Variants in CAMKMT observed in about 807,000 individuals in gnomAD.
CAMKMT encodes the protein CaM KMT.
Under a neutral mutation model 48.0 loss-of-function variants are expected in CAMKMT, and 53 were observed. That is an observed-to-expected ratio of 1.10 (90% CI 0.89 to 1.39). The LOEUF (loss-of-function observed/expected upper bound fraction) is 1.39. Among genes scored for constraint, CAMKMT ranks in the 40% most tolerant of loss-of-function variants. The pLI, the probability that CAMKMT is intolerant of heterozygous loss-of-function variation, is 0.00. For synonymous variants in CAMKMT, 165 were observed against 152.3 expected (o/e 1.08, Z -0.61); for missense variants, 428 against 402.7 (o/e 1.06, Z -0.54).
intron 7 of CAMKMT, among the ~76,000 whole-genome samples, chr2:44,737,613 C>G (rs541492704): frequency 1.3e-5 from 2 of 152,232 alleles, no homozygotes; most frequent in South Asian, 4.1e-4. Context: ...CCTGTGTGAG[C>G]ACTGACCTAC....
intron 3 of CAMKMT, among the ~76,000 whole-genome samples, chr2:44,652,767 C>T (rs1422776687): frequency 2.0e-5 from 3 of 152,068 alleles, no homozygotes; most frequent in East Asian, 1.9e-4. Context: ...GGAGTTAATC[C>T]GTATCTCCGA....
At chr2:44,606,808 AC>A (rs11421579) in intron 3 of CAMKMT, among the ~76,000 whole-genome samples, 2,451 of 138,394 alleles carry the variant, frequency 0.018, 68 homozygotes, top group African/African-American at 0.051. Context: ...TCTTAATGTG[AC>A]CCCCCCCCCA....
chr2:44,425,216 G>A (rs1684200995), intron 3 of CAMKMT, among the ~76,000 whole-genome samples: 1 of 152,058 alleles, frequency 6.6e-6, no homozygotes, highest in South Asian at 2.1e-4. Flanking sequence ...GTTAATGGCT[G>A]GGTTTTTAAA....
intron 3 of CAMKMT, among the ~76,000 whole-genome samples, chr2:44,584,373 C>T (rs1048668930): frequency 2.6e-5 from 4 of 152,086 alleles, no homozygotes; most frequent in Admixed American, 6.6e-5. Flanking sequence ...GGGATATTAC[C>T]TTATATTCAC....
chr2:44,753,972 AT>A, intron 8 of CAMKMT, 82 bp from the exon 9 acceptor site: 1 of 938,922 alleles, frequency 1.1e-6, no homozygotes, highest in Non-Finnish European at 1.7e-6. Context: ...AACATGTGTA[AT>A]TAGCCTTGTA....
chr2:44,510,199 G>A (rs1021265834), intron 3 of CAMKMT, among the ~76,000 whole-genome samples: 3 of 152,082 alleles, frequency 2.0e-5, no homozygotes, highest in African/African-American at 7.2e-5. Context: ...AGCACATACT[G>A]CATTTAGCTG....
chr2:44,694,146 C>T (rs1175472718), intron 3 of CAMKMT, among the ~76,000 whole-genome samples: 1 of 152,236 alleles, frequency 6.6e-6, no homozygotes, highest in Non-Finnish European at 1.5e-5. Context: ...GTGAAAAGCT[C>T]GCAAATGGAA....
intron 3 of CAMKMT, among the ~76,000 whole-genome samples, chr2:44,421,215 T>C (rs1683915667): frequency 6.6e-6 from 1 of 152,180 alleles, no homozygotes. Context: ...ATTCATTTAC[T>C]TTCTTCATGA....
intron 3 of CAMKMT, among the ~76,000 whole-genome samples, chr2:44,548,825 TG>T (rs1408971831): frequency 1.3e-5 from 2 of 152,042 alleles, no homozygotes; most frequent in Admixed American, 1.3e-4. Context: ...CCAGGAAGAA[TG>T]AGGTTGGAAG....
At chr2:44,725,041 A>G (rs1678702117) in intron 7 of CAMKMT, among the ~76,000 whole-genome samples, 1 of 152,108 alleles carries the variant, frequency 6.6e-6, no homozygotes, top group Non-Finnish European at 1.5e-5. Context: ...CCTGTTCCTC[A>G]AGACTATCCC....
intron 10 of CAMKMT, among the ~76,000 whole-genome samples, chr2:44,767,246 A>G (rs1214575435): frequency 6.6e-6 from 1 of 152,234 alleles, no homozygotes; most frequent in Non-Finnish European, 1.5e-5. Flanking sequence ...AGTACATGTC[A>G]CAGTGACTAG....
intron 1 of CAMKMT, chr2:44,369,957 C>G (rs2616450): frequency 1.3e-5 from 2 of 152,082 alleles, no homozygotes; most frequent in African/African-American, 4.8e-5. Flanking sequence ...TTGGCTGCTA[C>G]GGATTCCAGG....
At chr2:44,514,101 CAA>C (rs5830791) in intron 3 of CAMKMT, among the ~76,000 whole-genome samples, 188 of 115,236 alleles carry the variant, frequency 1.6e-3, no homozygotes, top group Middle Eastern at 4.3e-3. Flanking sequence ...GACCCTGTCT[CAA>C]AAAAAAAAAA....
At chr2:44,580,299 C>T (rs538345473) in intron 3 of CAMKMT, among the ~76,000 whole-genome samples, 9 of 113,514 alleles carry the variant, frequency 7.9e-5, no homozygotes, top group South Asian at 3.4e-4. Flanking sequence ...GAATTAGAAA[C>T]GATAATAATT....
At chr2:44,436,978 C>G (rs953434320) in intron 3 of CAMKMT, among the ~76,000 whole-genome samples, 2 of 152,096 alleles carry the variant, frequency 1.3e-5, no homozygotes, top group Non-Finnish European at 2.9e-5. Context: ...GGTATTATTA[C>G]AAGTGGATTT....
At chr2:44,509,019 C>T (rs974905651) in intron 3 of CAMKMT, among the ~76,000 whole-genome samples, 8 of 151,200 alleles carry the variant, frequency 5.3e-5, no homozygotes, top group Non-Finnish European at 1.5e-5. Flanking sequence ...TTGCTTGAAC[C>T]TGGGAGGTGG....
At chr2:44,762,866 A>C (rs1680675078) in intron 9 of CAMKMT, among the ~76,000 whole-genome samples, 1 of 152,226 alleles carries the variant, frequency 6.6e-6, no homozygotes, top group African/African-American at 2.4e-5. Flanking sequence ...AAAGTGTTAC[A>C]TTCAATTGAG....
intron 3 of CAMKMT, among the ~76,000 whole-genome samples, chr2:44,563,296 T>A (rs1572807925): frequency 1.3e-5 from 2 of 151,680 alleles, no homozygotes; most frequent in South Asian, 4.2e-4. Context: ...ATAACCTGAC[T>A]TTTTTTACTT....
chr2:44,549,791 A>C, intron 3 of CAMKMT: 1 of 428,650 alleles, frequency 2.3e-6, no homozygotes, highest in Non-Finnish European at 4.1e-6. Context: ...CTTACATCCT[A>C]GAACAAAGAC....
Sources: allele counts gnomAD v4.1 joint callset (sites outside exome capture counted in the v4.1 genomes callset), GRCh38; gene constraint gnomAD v4.1.1; transcripts MANE v1.5; gene names NCBI Gene and HGNC (gene_info 2026-07-23, HGNC 2026-07-21).